COG5: variants seen among roughly 807,000 people sequenced by gnomAD.
The protein encoded by COG5 is conserved oligomeric Golgi complex subunit 5.
In COG5, 86 loss-of-function variants were observed where a neutral mutation model predicts 110.4. The ratio of observed to expected loss-of-function variants is 0.78; its 90% confidence interval spans 0.65 to 0.93. The LOEUF is 0.93. Among genes scored for constraint, COG5 ranks in the 40% least tolerant of loss-of-function variants. The pLI is 0.00. For synonymous variants in COG5, 360 were observed against 334.6 expected (o/e 1.08, Z -0.83); for missense variants, 1,077 against 987.0 (o/e 1.09, Z -1.22).
At chr7:107,209,292 T>G (rs1395077387) in intron 21 of COG5, 1 of 962,200 alleles carries the variant, frequency 1.0e-6, no homozygotes, top group Non-Finnish European at 1.2e-6. Flanking sequence ...AATGATGATG[T>G]AAAGGTTTTC....
intron 6 of COG5, among the ~76,000 whole-genome samples, chr7:107,433,176 G>A (rs1381059169): frequency 1.3e-5 from 2 of 152,116 alleles, no homozygotes; most frequent in Non-Finnish European, 2.9e-5. Context: ...AAGTATGGCT[G>A]AAAGAAATTA....
At chr7:107,461,046 A>G (rs560133748) in intron 6 of COG5, among the ~76,000 whole-genome samples, 2 of 152,144 alleles carry the variant, frequency 1.3e-5, no homozygotes, top group Non-Finnish European at 2.9e-5. Context: ...CTGATCTTAC[A>G]AAAACATTTT....
At chr7:107,293,909 T>A (rs528306136) in intron 12 of COG5, among the ~76,000 whole-genome samples, 1 of 151,752 alleles carries the variant, frequency 6.6e-6, no homozygotes, top group Non-Finnish European at 1.5e-5. Flanking sequence ...CTGTCTCTAC[T>A]AAAAATACAA....
chr7:107,301,506 T>C (rs1807265671), intron 11 of COG5, among the ~76,000 whole-genome samples: 1 of 152,020 alleles, frequency 6.6e-6, no homozygotes, highest in Non-Finnish European at 1.5e-5. Context: ...CTTTAGTCAA[T>C]AGGGAAATGC....
chr7:107,432,831 G>A (rs928848240), intron 6 of COG5, among the ~76,000 whole-genome samples: 1 of 151,678 alleles, frequency 6.6e-6, no homozygotes, highest in Non-Finnish European at 1.5e-5. Context: ...GTCCTAGCCA[G>A]AACAATTAGG....
chr7:107,368,858 C>T (rs559898474), intron 8 of COG5, among the ~76,000 whole-genome samples: 1 of 152,314 alleles, frequency 6.6e-6, no homozygotes, highest in South Asian at 2.1e-4. Flanking sequence ...TGAACACTAA[C>T]CACCAAGCTT....
At chr7:107,288,770 G>A (rs1805863408) in intron 12 of COG5, among the ~76,000 whole-genome samples, 1 of 151,466 alleles carries the variant, frequency 6.6e-6, no homozygotes, top group Admixed American at 6.6e-5. Flanking sequence ...AAGCAGCAAA[G>A]TTTCTAATTT....
intron 12 of COG5, among the ~76,000 whole-genome samples, chr7:107,294,872 T>G: frequency 1.1e-5 from 1 of 88,932 alleles, no homozygotes; most frequent in Non-Finnish European, 2.4e-5. Flanking sequence ...TGTGCCACCA[T>G]GCCTGGATTT....
intron 5 of COG5, among the ~76,000 whole-genome samples, chr7:107,541,072 A>T (rs1584947958): frequency 6.6e-6 from 1 of 151,658 alleles, no homozygotes; most frequent in Admixed American, 6.6e-5. Context: ...AATCACTTGA[A>T]CCCAGGAGGC....
intron 7 of COG5, among the ~76,000 whole-genome samples, chr7:107,412,294 A>C (rs1208938356): frequency 1.3e-5 from 2 of 152,094 alleles, no homozygotes; most frequent in Admixed American, 1.3e-4. Context: ...TATACATTAG[A>C]AACATTAGGT....
intron 17 of COG5, among the ~76,000 whole-genome samples, chr7:107,247,140 T>C (rs1479648873): frequency 6.6e-6 from 1 of 152,202 alleles, no homozygotes; most frequent in Non-Finnish European, 1.5e-5. Context: ...ATACTATGTG[T>C]TCTCACTTAT....
rs1345119147 is a variant in COG5, at chr7:107,525,084, C to T, written c.538+2153G>A. 3.3e-5 allele frequency among the ~76,000 whole-genome samples: 5 copies of T among 152,066 alleles called. No homozygotes were observed. The East Asian group carries it at 7.8e-4, about 24-fold the overall frequency. ...CTGGAATTACAGGCACACACCACCA[C>T]GCCCAGCTAATTTTTGTATTTTTAG... On this transcript the variant is annotated intron_variant, in intron 6 of 21. Coordinates refer to ENST00000297135, the MANE Select transcript of COG5 (RefSeq NM_006348.5).
chr7:107,394,974 T>A (rs759397644), intron 7 of COG5, among the ~76,000 whole-genome samples: 1 of 152,194 alleles, frequency 6.6e-6, no homozygotes, highest in Non-Finnish European at 1.5e-5. Flanking sequence ...AAATACAGAA[T>A]ACAAATTTAG....
intron 7 of COG5, among the ~76,000 whole-genome samples, chr7:107,373,893 T>C (rs1198457582): frequency 1.3e-5 from 2 of 152,166 alleles, no homozygotes; most frequent in African/African-American, 4.8e-5. Context: ...CTCTGAAATC[T>C]ATTGGTGTTA....
rs531121330 is a variant in COG5, at chr7:107,527,886, T to C, written c.418-529A>G. On this transcript the variant is annotated intron_variant, in intron 5 of 21. Coordinates refer to ENST00000297135, the MANE Select transcript of COG5 (RefSeq NM_006348.5). The stretch of plus-strand genomic sequence containing the variant: ...ACAGCCCTGACCAATTAAAACAGCA[T>C]TTCTATGGGTTAGAACCAAGCATGA... Among the ~76,000 whole-genome samples the C allele has an allele frequency of 3.3e-4, 50 of 152,250 alleles. 1 individual carries two copies. The highest frequency in any genetic ancestry group is 1.2e-3 in the African/African-American group (48 of 41,552).
Position 107,486,545 on chromosome 7 carries a change from C to T in COG5, c.538+40692G>A, listed in dbSNP as rs956790164. Among the ~76,000 whole-genome samples the T allele has an allele frequency of 3.3e-5, 5 of 151,924 alleles. No individual in the cohort carries two copies. In the East Asian group the frequency reaches 7.7e-4, roughly 23 times the overall value. On this transcript the variant is annotated intron_variant, in intron 6 of 21. Transcript: ENST00000297135. ...AAAAAATGCCAGTGGAAAATGCGTA[C>T]GTCCAATTATATTTTCCTATTAAAA...
intron 10 of COG5, among the ~76,000 whole-genome samples, chr7:107,340,952 C>T (rs1329938270): frequency 6.6e-6 from 1 of 152,042 alleles, no homozygotes; most frequent in East Asian, 1.9e-4. Flanking sequence ...GGAAGCATTC[C>T]CCTTGAGAAC....
chr7:107,326,502 C>T (rs1333078066), intron 10 of COG5, among the ~76,000 whole-genome samples: 4 of 151,894 alleles, frequency 2.6e-5, no homozygotes, highest in Admixed American at 6.6e-5. Flanking sequence ...TTTCTACAAA[C>T]TAACAATGAA....
chr7:107,209,575 A>C (rs1799015269), intron 21 of COG5: 1 of 158,886 alleles, frequency 6.3e-6, no homozygotes, highest in East Asian at 1.9e-4. Context: ...AGAAGAAGAA[A>C]ATATGGGAAA....
Sources: allele counts gnomAD v4.1 joint callset (sites outside exome capture counted in the v4.1 genomes callset), GRCh38; gene constraint gnomAD v4.1.1; transcripts MANE v1.5; gene names NCBI Gene and HGNC (gene_info 2026-07-23, HGNC 2026-07-21).